OR56A3: variants seen among roughly 807,000 people sequenced by gnomAD.
OR56A3 encodes the protein olfactory receptor family 56 subfamily A member 3, also known as olfactory receptor 56A3.
A neutral mutation model predicts 17.5 loss-of-function variants in OR56A3; 23 were observed. The observed-to-expected ratio is 1.32, with a 90% CI of 0.95 to 1.87. The LOEUF is 1.87. OR56A3 is among the 40% of genes most tolerant of loss of function. The pLI is 0.00. For missense variants in OR56A3, 366 were observed against 380.1 expected, an observed-to-expected ratio of 0.96 and a Z score of 0.31; for synonymous variants, 175 against 150.6, an observed-to-expected ratio of 1.16 and a Z score of -1.19.
chr11:5,995,713 C>G, the OR56A3 span, among the ~76,000 whole-genome samples: 50 of 152,284 alleles, frequency 3.3e-4, no homozygotes, highest in Middle Eastern at 3.4e-3. Context: ...TACACTACCT[C>G]ACATAACTAT....
At position 5,948,008 on chromosome 11, in the gene OR56A3, C is replaced by T. The variant is rs762922774; in HGVS notation, c.662C>T (p.Ser221Phe). Reference sequence around the variant, plus strand: ...TCTGACCTCATCCTTATCTTCCTCTCCTACACCTTCATTCTGCGAGCTGTG... The same window carrying T: ...TCTGACCTCATCCTTATCTTCCTCTTCTACACCTTCATTCTGCGAGCTGTG... ...LGSDLILIFL[S>F]YTFILRAVLR... is the part of the protein sequence containing the mutation. The change falls in exon 3 of 3, where the codon TCC becomes TTC. Residue 221 changes from serine to phenylalanine, a missense_variant. Physicochemically the swap from Ser to Phe is radical, Grantham distance 155 (BLOSUM62 -2). Coordinates refer to ENST00000641160, the MANE Select transcript of OR56A3 (RefSeq NM_001003443.3). The T allele has an allele frequency of 3.1e-6, 5 of 1,614,234 alleles. No homozygotes were observed. In the Admixed American group the frequency reaches 8.3e-5, roughly 27 times the overall value.
chr11:5,951,687 C>G (rs1461632569), downstream of OR56A3, among the ~76,000 whole-genome samples: 1 of 152,152 alleles, frequency 6.6e-6, no homozygotes, highest in Non-Finnish European at 1.5e-5. Flanking sequence ...AAAACACAGA[C>G]AGAGGATGGC....
the OR56A3 span, chr11:6,002,792 G>T: frequency 6.2e-7 from 1 of 1,613,748 alleles, no homozygotes; most frequent in Non-Finnish European, 8.5e-7. Flanking sequence ...GGGAGAGGAG[G>T]CTGAGCAGGT....
chr11:5,963,900 T>C, the OR56A3 span, among the ~76,000 whole-genome samples: 3 of 152,092 alleles, frequency 2.0e-5, no homozygotes, highest in Non-Finnish European at 4.4e-5. Flanking sequence ...TTTTTAGTTC[T>C]TTTTTTCTCC....
chr11:5,971,034 A>T, the OR56A3 span, among the ~76,000 whole-genome samples: 1 of 152,228 alleles, frequency 6.6e-6, no homozygotes, highest in South Asian at 2.1e-4. Flanking sequence ...GAAGCTCAAG[A>T]TAATAGCTGA....
At chr11:5,960,600 G>A in the OR56A3 span, among the ~76,000 whole-genome samples, 6 of 152,266 alleles carry the variant, frequency 3.9e-5, no homozygotes, top group African/African-American at 1.2e-4. Flanking sequence ...GCGTGATCTC[G>A]GCTCGCTACA....
At chr11:5,962,329 C>G in the OR56A3 span, among the ~76,000 whole-genome samples, 1 of 152,144 alleles carries the variant, frequency 6.6e-6, no homozygotes, top group Non-Finnish European at 1.5e-5. Context: ...CCATTTTCAT[C>G]AGGGATGTTG....
In OR56A3 at chr11:5,949,844, G is replaced by C. The variant is rs1847897641; in HGVS notation, c.*1550G>C. ...AACCTACTGATTGAAAAATAAGCAT[G>C]TACCACATATAAGAAGCAATAGTTA... On this transcript the variant is annotated 3_prime_UTR_variant, in exon 3 of 3. Transcript: ENST00000641160. 6.6e-6 allele frequency: 1 copy of C among 152,050 alleles called. No homozygotes were observed. Among genetic ancestry groups the C allele is most frequent in the African/African-American group, 2.4e-5 (1 of 41,396 alleles). The allele number at this position is 152,050 out of a possible 1,614,324, so 9.4% of individuals were successfully genotyped here.
the OR56A3 span, among the ~76,000 whole-genome samples, chr11:6,011,117 C>A: frequency 6.6e-6 from 1 of 151,824 alleles, no homozygotes; most frequent in Non-Finnish European, 1.5e-5. Context: ...GTCTATCAGT[C>A]TTATTACATC....
At chr11:6,017,775 G>A in the OR56A3 span, among the ~76,000 whole-genome samples, 1 of 152,142 alleles carries the variant, frequency 6.6e-6, no homozygotes, top group Non-Finnish European at 1.5e-5. Flanking sequence ...TAGACTGGCT[G>A]ATAAGATTTT....
the OR56A3 span, chr11:6,006,156 G>A: frequency 1.1e-4 from 17 of 152,232 alleles, no homozygotes; most frequent in Admixed American, 5.9e-4. Flanking sequence ...ATTTTTTAAC[G>A]AATACAGGAA....
the OR56A3 span, among the ~76,000 whole-genome samples, chr11:6,007,778 A>T: frequency 2.6e-5 from 4 of 152,228 alleles, no homozygotes; most frequent in East Asian, 1.9e-4. Flanking sequence ...CTAGAGGAAC[A>T]TTCCCACCAA....
Position 5,951,342 on chromosome 11 carries a change from TC to T in OR56A3, c.*3049del, listed in dbSNP as rs1462778658. On this transcript the variant is annotated 3_prime_UTR_variant, in exon 3 of 3. Coordinates refer to ENST00000641160, the MANE Select transcript of OR56A3 (RefSeq NM_001003443.3). The stretch of plus-strand genomic sequence containing the variant: ...GTAATTCATTAAATTTTTCTTTACA[TC>T]ATTTACACACACATAGATCTGAGTA... 1 of 152,180 alleles carries T rather than the reference TC, an allele frequency of 6.6e-6. No homozygotes were observed. Among genetic ancestry groups the T allele is most frequent in the African/African-American group, 2.4e-5 (1 of 41,458 alleles). The allele number at this position is 152,180 out of a possible 1,614,324, so 9.4% of individuals were successfully genotyped here.
At chr11:5,986,124 G>T in the OR56A3 span, 123 of 1,613,838 alleles carry the variant, frequency 7.6e-5, no homozygotes, top group Non-Finnish European at 1.0e-4. Context: ...CAGGGACATA[G>T]AAGACCAGGA....
the OR56A3 span, among the ~76,000 whole-genome samples, chr11:5,992,629 G>C: frequency 6.6e-6 from 1 of 152,066 alleles, no homozygotes; most frequent in Non-Finnish European, 1.5e-5. Context: ...CAAACCCAAG[G>C]GCCTCAACCC....
the OR56A3 span, among the ~76,000 whole-genome samples, chr11:5,990,721 A>T: frequency 3.3e-5 from 5 of 152,210 alleles, no homozygotes; most frequent in African/African-American, 1.2e-4. Flanking sequence ...TACAAAAATC[A>T]AACATTAAGA....
chr11:5,944,956 A>G lies in OR56A3; in HGVS notation c.-163A>G, dbSNP rs1001386677. ...TCCTCCCTCCACTGACAGCAGCCAC[A>G]GTTACTAACAGGGTCTTTCTGATGA... is the stretch of plus-strand genomic sequence containing the variant. On this transcript the variant is annotated 5_prime_UTR_variant, in exon 2 of 3. Transcript: ENST00000641160. 9.2e-5 allele frequency: 14 copies of G among 152,238 alleles called. No homozygotes were observed. Among genetic ancestry groups the G allele is most frequent in the Admixed American group, 7.9e-4 (12 of 15,286 alleles). The allele number at this position is 152,238 out of a possible 1,614,324, so 9.4% of individuals were successfully genotyped here. A position where few individuals can be genotyped will look rare whatever the true frequency, so the allele number is the denominator to read the frequency against.
chr11:6,018,308 T>C, the OR56A3 span, among the ~76,000 whole-genome samples: 9 of 152,222 alleles, frequency 5.9e-5, no homozygotes, highest in East Asian at 1.7e-3. Context: ...ACAAAGAACA[T>C]TGTCCAAAAT....
intron 1 of OR56A3, among the ~76,000 whole-genome samples, chr11:5,943,638 G>C (rs1031463677): frequency 1.3e-5 from 2 of 151,986 alleles, no homozygotes; most frequent in African/African-American, 4.8e-5. Flanking sequence ...AGGACTCCAG[G>C]ATACAAAATC....
Sources: allele counts gnomAD v4.1 joint callset (sites outside exome capture counted in the v4.1 genomes callset), GRCh38; gene constraint gnomAD v4.1.1; transcripts MANE v1.5; gene names NCBI Gene and HGNC (gene_info 2026-07-23, HGNC 2026-07-21).